Variants in MYLK4 observed in about 807,000 individuals in gnomAD.
MYLK4 encodes myosin light chain kinase family member 4.
MYLK4 carries 46 observed loss-of-function variants against 48.1 expected under a neutral mutation model. That is an observed-to-expected ratio of 0.96 (90% CI 0.75 to 1.22). MYLK4 has a LOEUF of 1.22. Among genes scored for constraint, MYLK4 ranks in the 50% most tolerant of loss-of-function variants. The pLI, the probability that MYLK4 is intolerant of heterozygous loss-of-function variation, is 0.00. For missense variants in MYLK4, 451 were observed against 486.1 expected, an observed-to-expected ratio of 0.93 and a Z score of 0.68; for synonymous variants, 170 against 180.8, an observed-to-expected ratio of 0.94 and a Z score of 0.48.
At chr6:2,674,565 T>C (rs1761012331) in intron 11 of MYLK4, among the ~76,000 whole-genome samples, 1 of 152,216 alleles carries the variant, frequency 6.6e-6, no homozygotes, top group Non-Finnish European at 1.5e-5. Context: ...ATTTTTAAAA[T>C]GTAAACTGCT....
chr6:2,704,343 C>T (rs758692060), intron 2 of MYLK4, among the ~76,000 whole-genome samples: 15 of 152,176 alleles, frequency 9.9e-5, no homozygotes, highest in Non-Finnish European at 7.4e-5. Flanking sequence ...GTCCATGCAG[C>T]GCAATCTGTT....
At chr6:2,718,709 C>T (rs766699968) in intron 2 of MYLK4, among the ~76,000 whole-genome samples, 3 of 152,176 alleles carry the variant, frequency 2.0e-5, no homozygotes, top group East Asian at 1.9e-4. Flanking sequence ...AAGCTGCATA[C>T]AATTTCTAAC....
the MYLK4 span, chr6:2,766,304 G>A: frequency 8.1e-6 from 13 of 1,608,928 alleles, no homozygotes; most frequent in African/African-American, 1.6e-4. Flanking sequence ...CAAGCCGCTG[G>A]CCGACACGAT....
At chr6:2,765,554 C>A in the MYLK4 span, 1 of 1,374,488 alleles carries the variant, frequency 7.3e-7, no homozygotes. Flanking sequence ...TAGCGGAGGG[C>A]ATCGAAGGCC....
At chr6:2,714,225 C>T (rs1762784769) in intron 2 of MYLK4, among the ~76,000 whole-genome samples, 1 of 152,334 alleles carries the variant, frequency 6.6e-6, no homozygotes, top group East Asian at 1.9e-4. Flanking sequence ...GGCCCCATTG[C>T]TCATTAGCAT....
At chr6:2,674,243 T>C (rs1761000812) in intron 11 of MYLK4, among the ~76,000 whole-genome samples, 1 of 152,240 alleles carries the variant, frequency 6.6e-6, no homozygotes, top group African/African-American at 2.4e-5. Flanking sequence ...ACTCAGTCTG[T>C]AGTCTAAGAG....
chr6:2,763,194 A>G, the MYLK4 span, among the ~76,000 whole-genome samples: 1 of 152,190 alleles, frequency 6.6e-6, no homozygotes, highest in East Asian at 1.9e-4. Context: ...CAGAGTGCCG[A>G]TTGGTGTATT....
At chr6:2,682,959 CAG>C in intron 7 of MYLK4, 60 bp downstream of exon 7, 2 of 1,592,026 alleles carry the variant, frequency 1.3e-6, no homozygotes, top group East Asian at 2.2e-5. Context: ...TAATAGCAGA[CAG>C]GGCCCACTGT....
At chr6:2,684,061 C>T (rs1015015919) in intron 6 of MYLK4, among the ~76,000 whole-genome samples, 1 of 152,130 alleles carries the variant, frequency 6.6e-6, no homozygotes, top group Non-Finnish European at 1.5e-5. Flanking sequence ...AAATTAAGCA[C>T]AGTAAGGGAT....
the MYLK4 span, among the ~76,000 whole-genome samples, chr6:2,769,440 GCTGAGAT>G: frequency 6.6e-6 from 1 of 151,836 alleles, no homozygotes; most frequent in Admixed American, 6.6e-5. Context: ...ATTTTATTGG[GCTGAGAT>G]CTGAGAGCTA....
intron 12 of MYLK4, among the ~76,000 whole-genome samples, chr6:2,670,509 G>A (rs539764787): frequency 6.6e-6 from 1 of 152,166 alleles, no homozygotes; most frequent in Non-Finnish European, 1.5e-5. Context: ...CTTGCTGCAG[G>A]GTCTAGGCCC....
At chr6:2,690,855 AG>A (rs1480056753) in intron 3 of MYLK4, among the ~76,000 whole-genome samples, 28 of 102,956 alleles carry the variant, frequency 2.7e-4, no homozygotes, top group African/African-American at 1.2e-3. Flanking sequence ...TTTGAGACCG[AG>A]TCTCGCTCTG....
intron 9 of MYLK4, among the ~76,000 whole-genome samples, chr6:2,678,793 C>G (rs1308347789): frequency 6.6e-6 from 1 of 151,308 alleles, no homozygotes; most frequent in Non-Finnish European, 1.5e-5. Context: ...TCACTGCAAC[C>G]TCCACCTCCT....
chr6:2,704,696 T>C (rs1762423656), intron 2 of MYLK4, among the ~76,000 whole-genome samples: 1 of 152,240 alleles, frequency 6.6e-6, no homozygotes, highest in South Asian at 2.1e-4. Flanking sequence ...CACATTTTAC[T>C]TTATTATGAT....
intron 12 of MYLK4, among the ~76,000 whole-genome samples, chr6:2,668,462 G>T (rs953353674): frequency 3.9e-5 from 6 of 152,188 alleles, no homozygotes; most frequent in Admixed American, 2.0e-4. Flanking sequence ...AATGCCACCA[G>T]GTTGATTTTG....
intron 6 of MYLK4, among the ~76,000 whole-genome samples, chr6:2,684,934 A>G (rs961086124): frequency 6.6e-6 from 1 of 152,250 alleles, no homozygotes; most frequent in African/African-American, 2.4e-5. Flanking sequence ...AGCCCTAATC[A>G]TCACCAGTTG....
At chr6:2,720,775 A>G (rs10900928) in intron 2 of MYLK4, among the ~76,000 whole-genome samples, 129,663 of 152,056 alleles carry the variant, frequency 0.85, 55,380 homozygotes, top group Admixed American at 0.89. Flanking sequence ...TAGATATAGA[A>G]AAGAAAAATA....
At chr6:2,718,993 C>G (rs925696275) in intron 2 of MYLK4, among the ~76,000 whole-genome samples, 1 of 152,194 alleles carries the variant, frequency 6.6e-6, no homozygotes, top group Non-Finnish European at 1.5e-5. Flanking sequence ...TATCTGGACT[C>G]ACGATGTGGT....
At chr6:2,689,668 A>G (rs947711898) in intron 3 of MYLK4, among the ~76,000 whole-genome samples, 28 of 152,218 alleles carry the variant, frequency 1.8e-4, no homozygotes, top group African/African-American at 5.5e-4. Context: ...TCACCTTTCC[A>G]TGACTACTGC....
Sources: gnomAD v4.1 joint callset for allele counts (sites outside exome capture counted in the v4.1 genomes callset) on GRCh38, gnomAD v4.1.1 for gene constraint, MANE v1.5 for transcripts, NCBI Gene and HGNC (gene_info 2026-07-23, HGNC 2026-07-21) for gene names.